PTPRD: variants seen among roughly 807,000 people sequenced by gnomAD.
The protein encoded by PTPRD is receptor-type tyrosine-protein phosphatase delta.
In PTPRD, 34 loss-of-function variants were observed where a neutral mutation model predicts 214.5. That is an observed-to-expected ratio of 0.16 (90% CI 0.12 to 0.21). PTPRD has a LOEUF of 0.21. Ranked by LOEUF, PTPRD falls within the 10% of genes least tolerant of loss-of-function variation. PTPRD has a pLI of 1.00. For missense variants in PTPRD, 2,545 were observed against 2,398.7 expected, an observed-to-expected ratio of 1.06 and a Z score of -1.27; for synonymous variants, 1,128 against 845.7, an observed-to-expected ratio of 1.33 and a Z score of -5.79.
rs2095694327 is a variant in PTPRD at position 8,618,680 on chromosome 9, A to G, written c.352+14637T>C. Among the ~76,000 whole-genome samples, 4 of 151,834 alleles carry G rather than the reference A, an allele frequency of 2.6e-5. No individual in the cohort carries two copies. In the South Asian group the frequency reaches 8.3e-4, roughly 32 times the overall value. On this transcript the variant is annotated intron_variant, in intron 14 of 45. Coordinates refer to ENST00000381196, the MANE Select transcript of PTPRD (RefSeq NM_002839.4). ...TGTGGTTGCCTCAAACATTTAAGAA[A>G]TATCTTTATTAATTTACTTATTTAT...
intron 2 of PTPRD, among the ~76,000 whole-genome samples, chr9:10,478,623 G>C (rs1321646003): frequency 6.6e-6 from 1 of 151,996 alleles, no homozygotes. Flanking sequence ...TTCTTTTCCA[G>C]CTGAGAAAAA....
At chr9:9,111,988 G>A (rs1294490177) in intron 10 of PTPRD, among the ~76,000 whole-genome samples, 1 of 152,082 alleles carries the variant, frequency 6.6e-6, no homozygotes, top group Non-Finnish European at 1.5e-5. Flanking sequence ...CCATTGCCAT[G>A]GGGAGTCCAG....
chr9:9,563,214 G>A (rs2083425906), intron 8 of PTPRD, among the ~76,000 whole-genome samples: 1 of 152,150 alleles, frequency 6.6e-6, no homozygotes, highest in South Asian at 2.1e-4. Context: ...GTTGTAAGGA[G>A]CAAGTCTATC....
At chr9:10,410,445 T>A (rs1484885757) in intron 2 of PTPRD, among the ~76,000 whole-genome samples, 1 of 151,322 alleles carries the variant, frequency 6.6e-6, no homozygotes, top group Non-Finnish European at 1.5e-5. Flanking sequence ...CATCTGCTGA[T>A]AGTTTGCCTT....
At chr9:10,155,782 C>T (rs549272345) in intron 3 of PTPRD, among the ~76,000 whole-genome samples, 1 of 152,134 alleles carries the variant, frequency 6.6e-6, no homozygotes, top group East Asian at 1.9e-4. Context: ...TCTTGCATCC[C>T]AGAGATAAAG....
At chr9:9,687,496 A>T (rs974446223) in intron 7 of PTPRD, among the ~76,000 whole-genome samples, 1 of 151,404 alleles carries the variant, frequency 6.6e-6, no homozygotes, top group African/African-American at 2.4e-5. Flanking sequence ...TCTAGTCCTC[A>T]GGAAACTGAA....
chr9:9,814,356 G>A (rs2048082972), intron 5 of PTPRD, among the ~76,000 whole-genome samples: 2 of 148,618 alleles, frequency 1.3e-5, no homozygotes, highest in African/African-American at 4.9e-5. Context: ...CAAAGTATTT[G>A]TTTGAAAATG....
At chr9:9,572,394 T>G (rs1440062893) in intron 8 of PTPRD, among the ~76,000 whole-genome samples, 3 of 151,284 alleles carry the variant, frequency 2.0e-5, no homozygotes, top group Admixed American at 2.0e-4. Context: ...TATTACTTCA[T>G]GAGGAAAAAC....
intron 10 of PTPRD, among the ~76,000 whole-genome samples, chr9:9,044,213 AGAAAAGT>A: frequency 6.6e-6 from 1 of 152,364 alleles, no homozygotes; most frequent in Non-Finnish European, 1.5e-5. Flanking sequence ...AAGGAATGGC[AGAAAAGT>A]GTTAAGGCTA....
intron 14 of PTPRD, among the ~76,000 whole-genome samples, chr9:8,614,184 T>G (rs1246828782): frequency 2.0e-5 from 3 of 152,184 alleles, no homozygotes; most frequent in Middle Eastern, 3.2e-3. Context: ...TTTTTGACCC[T>G]CATTCTTCAT....
At chr9:8,750,179 A>G (rs2093369728) in intron 11 of PTPRD, among the ~76,000 whole-genome samples, 1 of 151,890 alleles carries the variant, frequency 6.6e-6, no homozygotes, top group African/African-American at 2.4e-5. Context: ...ATTTTTTGAG[A>G]CAGAGTCTCA....
chr9:8,749,428 T>C (rs7028255), intron 11 of PTPRD, among the ~76,000 whole-genome samples: 8,724 of 152,248 alleles, frequency 0.057, 634 homozygotes, highest in African/African-American at 0.17. Context: ...CCTCAAACGA[T>C]CCACCCACCT....
At chr9:8,974,991 G>A (rs903439444) in intron 11 of PTPRD, among the ~76,000 whole-genome samples, 5 of 151,478 alleles carry the variant, frequency 3.3e-5, no homozygotes, top group Non-Finnish European at 7.4e-5. Flanking sequence ...TAGCTACTTG[G>A]GAGGCTGAGG....
At chr9:8,911,953 G>A (rs1042920381) in intron 11 of PTPRD, among the ~76,000 whole-genome samples, 6 of 152,090 alleles carry the variant, frequency 3.9e-5, no homozygotes, top group Admixed American at 1.3e-4. Flanking sequence ...ACTGCAATGC[G>A]ATACAACCCT....
intron 7 of PTPRD, among the ~76,000 whole-genome samples, chr9:9,599,752 T>C (rs1379734978): frequency 6.6e-6 from 1 of 151,926 alleles, no homozygotes; most frequent in Non-Finnish European, 1.5e-5. Flanking sequence ...CACTGGCACA[T>C]CTCTATTAGC....
chr9:10,254,907 C>A (rs2093121247), intron 3 of PTPRD, among the ~76,000 whole-genome samples: 1 of 152,176 alleles, frequency 6.6e-6, no homozygotes, highest in Non-Finnish European at 1.5e-5. Flanking sequence ...TCTCTGTTCT[C>A]TGATGACTTT....
At chr9:9,723,592 T>C (rs2098011996) in intron 7 of PTPRD, among the ~76,000 whole-genome samples, 7 of 152,066 alleles carry the variant, frequency 4.6e-5, no homozygotes, top group Admixed American at 4.6e-4. Flanking sequence ...TGAGATTACA[T>C]TGAGGTTGCA....
chr9:9,705,454 A>G (rs1219891453), intron 7 of PTPRD, among the ~76,000 whole-genome samples: 2 of 152,162 alleles, frequency 1.3e-5, no homozygotes, highest in Non-Finnish European at 2.9e-5. Context: ...TGGCCTTAAT[A>G]TAACACACAA....
intron 5 of PTPRD, among the ~76,000 whole-genome samples, chr9:9,813,648 G>T (rs1342290793): frequency 6.6e-6 from 1 of 151,994 alleles, no homozygotes; most frequent in Non-Finnish European, 1.5e-5. Flanking sequence ...AAAAAGAAAA[G>T]TCTGGGGCAA....
Sources: allele counts gnomAD v4.1 joint callset (sites outside exome capture counted in the v4.1 genomes callset), GRCh38; gene constraint gnomAD v4.1.1; transcripts MANE v1.5; gene names NCBI Gene and HGNC (gene_info 2026-07-23, HGNC 2026-07-21).